ZNF729: variants seen among roughly 807,000 people sequenced by gnomAD.
ZNF729 encodes zinc finger protein 729.
Under a neutral mutation model 12.2 loss-of-function variants are expected in ZNF729, and 15 were observed. The observed-to-expected ratio is 1.23, with a 90% CI of 0.82 to 1.89. ZNF729 has a LOEUF of 1.89. Ranked by LOEUF, ZNF729 falls within the 40% of genes most tolerant of loss-of-function variation. The pLI, the probability that ZNF729 is intolerant of heterozygous loss-of-function variation, is 0.00. For synonymous variants in ZNF729, 492 were observed against 476.3 expected, an observed-to-expected ratio of 1.03 and a Z score of -0.43; for missense variants, 1,540 against 1,456.7, an observed-to-expected ratio of 1.06 and a Z score of -0.93.
intron 1 of ZNF729, among the ~76,000 whole-genome samples, chr19:22,290,009 A>T (rs1333979511): frequency 6.6e-6 from 1 of 152,208 alleles, no homozygotes. Flanking sequence ...TTACATGTAC[A>T]CTGTGTTAGA....
At chr19:22,290,033 AT>A (rs1968132425) in intron 1 of ZNF729, among the ~76,000 whole-genome samples, 1 of 152,144 alleles carries the variant, frequency 6.6e-6, no homozygotes, top group Non-Finnish European at 1.5e-5. Flanking sequence ...ATTCTGCTGA[AT>A]TTTTCAAACA....
rs1222927620 is a variant in ZNF729 at position 22,314,057 on chromosome 19, G to T, written c.640G>T (p.Gly214Cys). 1.3e-5 allele frequency: 20 copies of T among 1,542,908 alleles called. No homozygotes were observed. The highest frequency in any genetic ancestry group is 1.7e-5 in the Non-Finnish European group (20 of 1,145,984). ...RQNIYKCEERGKAFKSFSTLT... is the reference protein window; with the variant it reads ...RQNIYKCEERCKAFKSFSTLT... ...GAATATCTACAAATGTGAAGAACGT[G>T]GCAAAGCCTTTAAATCGTTCTCAAC... is the stretch of plus-strand genomic sequence containing the variant. The change falls in exon 4 of 4, where the codon GGC (glycine) becomes TGC (cysteine). Residue 214 changes from glycine to cysteine, a missense_variant. Gly to Cys is a radical substitution (Grantham distance 159). Transcript: ENST00000601693.
At chr19:22,305,785 CTTTCTT>C (rs2145051936) in intron 3 of ZNF729, among the ~76,000 whole-genome samples, 1 of 152,128 alleles carries the variant, frequency 6.6e-6, no homozygotes, top group South Asian at 2.1e-4. Context: ...CAGTCATCTT[CTTTCTT>C]TTTCTTTTAA....
rs1286013986 is a variant in ZNF729 at position 22,314,767 on chromosome 19, T to C, written c.1350T>C (p.His450=). The stretch of plus-strand genomic sequence containing the variant: ...ACAGTTCCTCAACCCTTATGAAACA[T>C]AAGATAATTCATACTGGGGAGAAAC... ...AFNSSSTLMK[H]KIIHTGEKPY... The change falls in exon 4 of 4, where the codon CAT becomes CAC. Residue 450 remains histidine, a synonymous_variant. Coordinates refer to ENST00000601693, the MANE Select transcript of ZNF729 (RefSeq NM_001242680.2). 6.2e-7 allele frequency: 1 copy of C among 1,613,556 alleles called. No individual in the cohort carries two copies. Among genetic ancestry groups the C allele is most frequent in the South Asian group, 1.1e-5 (1 of 91,058 alleles).
Position 22,316,055 on chromosome 19 carries a change from T to A in ZNF729, c.2638T>A (p.Tyr880Asn), listed in dbSNP as rs561632220. 6.2e-7 allele frequency: 1 copy of A among 1,610,460 alleles called. No homozygotes were observed. The highest frequency in any genetic ancestry group is 8.5e-7 in the Non-Finnish European group (1 of 1,179,590). ...GATAATTCATAGTGGAGAGAAACCA[T>A]ACAAATGTGAAGAATGTGGTAAAGC... ...HEIIHSGEKP[Y>N]KCEECGKAFK... Residue 880 changes from tyrosine (Y) to asparagine (N), a missense_variant, in exon 4 of 4, where the codon TAC becomes AAC. Physicochemically the swap from Tyr to Asn is moderately radical, Grantham distance 143 (BLOSUM62 -2). Transcript: ENST00000601693.
In ZNF729 at chr19:22,316,703, G is replaced by T. The variant is rs756509052; in HGVS notation, c.3286G>T (p.Val1096Leu). The T allele has an allele frequency of 6.2e-7, 1 of 1,608,176 alleles. No homozygotes were observed. The highest frequency in any genetic ancestry group is 8.5e-7 in the Non-Finnish European group (1 of 1,178,454). The change falls in exon 4 of 4, where the codon GTA becomes TTA. Residue 1096 changes from valine to leucine, a missense_variant. Val to Leu is a conservative substitution (Grantham distance 32, BLOSUM62 1). Transcript: ENST00000601693. ...KHFSALRKHKVIHTGKKPYQC... is the reference protein window; with the variant it reads ...KHFSALRKHKLIHTGKKPYQC... ...TTTCTCAGCCCTTAGAAAACATAAG[G>T]TAATTCATACTGGAAAGAAACCCTA...
chr19:22,295,667 T>C (rs1290534807), intron 1 of ZNF729, among the ~76,000 whole-genome samples: 2 of 152,198 alleles, frequency 1.3e-5, no homozygotes, highest in African/African-American at 4.8e-5. Flanking sequence ...CCCAAAGTGC[T>C]AGGATTACAG....
chr19:22,313,649 T>C, intron 3 of ZNF729, 22 bp from the exon 4 acceptor site: 1 of 1,435,104 alleles, frequency 7.0e-7, no homozygotes, highest in Non-Finnish European at 9.1e-7. Context: ...GTGGAATAAT[T>C]TGTTATTTTT....
chr19:22,303,819 A>G lies in ZNF729; in HGVS notation c.92A>G (p.Asp31Gly). The change falls in exon 2 of 4, where the codon GAC becomes GGC. Residue 31 changes from aspartate to glycine, a missense_variant. By Grantham distance (94) the Asp-to-Gly change is moderately conservative. Coordinates refer to ENST00000601693, the MANE Select transcript of ZNF729 (RefSeq NM_001242680.2). The stretch of plus-strand genomic sequence containing the variant: ...TCTCTGGAGGAGTGGCAATGCCTGG[A>G]CACGGTTCAGCAGAATTTATATAGG... ...EFSLEEWQCL[D>G]TVQQNLYRDV... is the part of the protein sequence containing the mutation. 1 of 1,577,150 alleles carries G rather than the reference A, an allele frequency of 6.3e-7. No individual in the cohort carries two copies. The highest frequency in any genetic ancestry group is 2.3e-5 in the East Asian group (1 of 43,242).
Position 22,317,012 on chromosome 19 carries a change from C to G in ZNF729, c.3595C>G (p.Gln1199Glu). 1 of 1,611,744 alleles carries G rather than the reference C, an allele frequency of 6.2e-7. No homozygotes were observed. Residue 1199 changes from glutamine (Q) to glutamate (E), a missense_variant, in exon 4 of 4, where the codon CAG becomes GAG. By Grantham distance (29) the Gln-to-Glu change is conservative. Coordinates refer to ENST00000601693, the MANE Select transcript of ZNF729 (RefSeq NM_001242680.2). ...KCEECGKAFI[Q>E]CSYLIRHKTI... ...TGAAGAATGTGGCAAAGCTTTTATT[C>G]AGTGCTCATACCTTATTAGACATAA...
At position 22,315,575 on chromosome 19, in the gene ZNF729, G is replaced by A. The variant is rs771255650; in HGVS notation, c.2158G>A (p.Ala720Thr). The change falls in exon 4 of 4, where the codon GCT becomes ACT. Residue 720 changes from alanine to threonine, a missense_variant. Transcript: ENST00000601693. ...KPYKCEECGK[A>T]FKWSSKLTVH... ...CTACAAATGTGAAGAATGTGGTAAA[G>A]CTTTTAAGTGGTCATCAAAACTTAC... The A allele has an allele frequency of 1.4e-5, 22 of 1,609,678 alleles. No individual in the cohort carries two copies. The African/African-American group carries it at 2.7e-4, about 20-fold the overall frequency.
chr19:22,309,966 T>C (rs1172539339), intron 3 of ZNF729, among the ~76,000 whole-genome samples: 1 of 152,056 alleles, frequency 6.6e-6, no homozygotes, highest in Non-Finnish European at 1.5e-5. Context: ...GTTTTTTTTT[T>C]TCACGGCTAT....
chr19:22,315,764 C>T lies in ZNF729; in HGVS notation c.2347C>T (p.Leu783Phe), dbSNP rs1324143552. The change falls in exon 4 of 4, where the codon CTT becomes TTT. Residue 783 changes from leucine to phenylalanine, a missense_variant. Physicochemically the swap from Leu to Phe is conservative, Grantham distance 22. Coordinates refer to ENST00000601693, the MANE Select transcript of ZNF729 (RefSeq NM_001242680.2). ...CAAAGCTTTTAACAGTTTCTCAGCCCTTATGAAACATAAGGTAATTCATAC... is the reference window on the plus strand; with the variant it reads ...CAAAGCTTTTAACAGTTTCTCAGCCTTTATGAAACATAAGGTAATTCATAC... The part of the protein sequence containing the change: ...CVKAFNSFSA[L>F]MKHKVIHTGE... The T allele has an allele frequency of 1.9e-6, 3 of 1,609,016 alleles. No individual in the cohort carries two copies. In the African/African-American group the frequency reaches 4.0e-5, roughly 22 times the overall value.
At chr19:22,306,669 T>A (rs1272395863) in intron 3 of ZNF729, among the ~76,000 whole-genome samples, 1 of 151,362 alleles carries the variant, frequency 6.6e-6, no homozygotes, top group East Asian at 1.9e-4. Context: ...TAAATCAGTA[T>A]GTTTTAATCT....
intron 1 of ZNF729, among the ~76,000 whole-genome samples, chr19:22,292,741 A>G (rs1288035728): frequency 6.6e-6 from 1 of 152,082 alleles, no homozygotes; most frequent in East Asian, 1.9e-4. Context: ...ACACCTTATC[A>G]TACCATATTT....
At chr19:22,309,414 T>C (rs1968423477) in intron 3 of ZNF729, among the ~76,000 whole-genome samples, 1 of 152,134 alleles carries the variant, frequency 6.6e-6, no homozygotes, top group Non-Finnish European at 1.5e-5. Context: ...CACTGCACTC[T>C]AGCCTGATCA....
chr19:22,297,786 CTGA>C (rs1482510255), intron 1 of ZNF729, among the ~76,000 whole-genome samples: 2 of 151,686 alleles, frequency 1.3e-5, no homozygotes, highest in African/African-American at 4.8e-5. Context: ...GGCGGATCAC[CTGA>C]GGTCAGGAAT....
chr19:22,311,290 G>T (rs993704289), intron 3 of ZNF729, among the ~76,000 whole-genome samples: 1 of 151,994 alleles, frequency 6.6e-6, no homozygotes, highest in Admixed American at 6.5e-5. Flanking sequence ...AATTTAGAGT[G>T]TCTGTGTTCT....
In ZNF729 at chr19:22,313,730, CA is replaced by C; in HGVS notation, c.315del (p.Glu106LysfsTer2). The stretch of plus-strand genomic sequence containing the variant: ...AGATCAGAGCACAAAAGATTCTTTC[CA>C]AGAAGTAATACTGAGAACATATGCA... ...WPDQSTKDSFQEVILRTYARC... is the reference protein window; with the variant it reads ...WPDQSTKDSFXEVILRTYARC... On this transcript the variant is annotated frameshift_variant, in exon 4 of 4. Coordinates refer to ENST00000601693, the MANE Select transcript of ZNF729 (RefSeq NM_001242680.2). LOFTEE classifies it low-confidence loss of function (END_TRUNC). The C allele has an allele frequency of 6.4e-7, 1 of 1,569,340 alleles. No homozygotes were observed. Among genetic ancestry groups the C allele is most frequent in the Non-Finnish European group, 8.6e-7 (1 of 1,163,396 alleles).
Sources: allele counts gnomAD v4.1 joint callset (sites outside exome capture counted in the v4.1 genomes callset), GRCh38; gene constraint gnomAD v4.1.1; transcripts MANE v1.5; gene names NCBI Gene and HGNC (gene_info 2026-07-23, HGNC 2026-07-21).